Variants in SMARCA2 observed in about 807,000 individuals in gnomAD.
SMARCA2 encodes SWI/SNF-related matrix-associated actin-dependent regulator of chromatin subfamily A member 2.
SMARCA2 carries 61 observed loss-of-function variants against 199.8 expected under a neutral mutation model. That is an observed-to-expected ratio of 0.31 (90% CI 0.25 to 0.38). SMARCA2 has a LOEUF of 0.38. SMARCA2 is among the 10% of genes least tolerant of loss of function. The probability of loss-of-function intolerance (pLI) is 1.00; values close to 1 mark genes in which losing one functional copy is unlikely to be tolerated. For missense variants in SMARCA2, 1,344 were observed against 2,012.2 expected, an observed-to-expected ratio of 0.67 and a Z score of 6.35; for synonymous variants, 935 against 732.0, an observed-to-expected ratio of 1.28 and a Z score of -4.48.
Position 2,170,338 on chromosome 9 carries a change from C to T in SMARCA2, c.4200-81C>T. 1 of 1,583,026 alleles carries T rather than the reference C, an allele frequency of 6.3e-7. No individual in the cohort carries two copies. The highest frequency in any genetic ancestry group is 1.1e-5 in the South Asian group (1 of 87,706). On this transcript the variant is annotated intron_variant, in intron 28 of 33. Coordinates refer to ENST00000349721, the MANE Select transcript of SMARCA2 (RefSeq NM_003070.5). This position sits in a 1 kb window ranked among gnomAD's most constrained non-coding sequence, Gnocchi z 4.7. ...TGAGGAGACTGAGGCTTGGCCAGGT[C>T]ACCCAGCCTAGGAAGAAGGAGCCGG... is the stretch of plus-strand genomic sequence containing the variant.
At chr9:2,163,412 G>A (rs1356704794) in intron 28 of SMARCA2, among the ~76,000 whole-genome samples, 6 of 152,160 alleles carry the variant, frequency 3.9e-5, no homozygotes, top group Admixed American at 1.3e-4. Context: ...AATTTTGACC[G>A]CAAGTCCATG....
chr9:2,095,121 C>T (rs1256257235), intron 19 of SMARCA2, among the ~76,000 whole-genome samples: 4 of 150,788 alleles, frequency 2.7e-5, no homozygotes, highest in Non-Finnish European at 5.9e-5. Flanking sequence ...AGTCTTGCTC[C>T]GTCACCCAGG....
intron 25 of SMARCA2, among the ~76,000 whole-genome samples, 165 bp downstream of exon 25, chr9:2,116,214 T>C (rs1458189104): frequency 1.3e-5 from 2 of 152,220 alleles, no homozygotes; most frequent in African/African-American, 2.4e-5. Context: ...GTGAAAGTTA[T>C]CCAAAATGAG....
In SMARCA2 at chr9:2,039,575, C is replaced by T. The variant is rs1160691232; in HGVS notation, c.465C>T (p.Ala155=). 6.2e-7 allele frequency: 1 copy of T among 1,614,078 alleles called. No homozygotes were observed. The highest frequency in any genetic ancestry group is 1.3e-5 in the African/African-American group (1 of 74,928). Residue 155 remains alanine, a synonymous_variant, in exon 4 of 34, where the codon GCC becomes GCT. Coordinates refer to ENST00000349721, the MANE Select transcript of SMARCA2 (RefSeq NM_003070.5). The surrounding 1 kb of genome is among the most constrained non-coding windows in gnomAD (Gnocchi z 4.8). ...AGATGCCACCAAGCCAGCCGGGGGC[C>T]CTCATCCCAGGTGATCCGCAGGCCA... ...PPQMPPSQPG[A]LIPGDPQAMS...
intron 1 of SMARCA2, among the ~76,000 whole-genome samples, chr9:2,020,933 C>A (rs999495363): frequency 3.9e-5 from 6 of 152,104 alleles, no homozygotes; most frequent in African/African-American, 1.2e-4. Flanking sequence ...TTCTGGACTT[C>A]TGGGTTTGTA....
chr9:2,058,479 G>A lies in SMARCA2; in HGVS notation c.1521+15G>A, dbSNP rs757850985. On this transcript the variant is annotated intron_variant, in intron 8 of 33. Transcript: ENST00000349721. Reference sequence around the variant, plus strand: ...GGCGACTGATGGTAAGGAACTCCCTGCAGGAGCCCAGGAAACTACTCAACC... The same window carrying A: ...GGCGACTGATGGTAAGGAACTCCCTACAGGAGCCCAGGAAACTACTCAACC... 6 of 1,611,490 alleles carry A rather than the reference G, an allele frequency of 3.7e-6. No individual in the cohort carries two copies. In the South Asian group the frequency reaches 6.6e-5, roughly 18 times the overall value.
chr9:2,151,278 A>T (rs539708798), intron 27 of SMARCA2, among the ~76,000 whole-genome samples: 2 of 151,732 alleles, frequency 1.3e-5, no homozygotes, highest in South Asian at 2.1e-4. Flanking sequence ...ATTTAAAAAA[A>T]TAGTTCATCA....
intron 27 of SMARCA2, among the ~76,000 whole-genome samples, chr9:2,130,917 G>C (rs6475522): frequency 1.3e-5 from 2 of 152,026 alleles, no homozygotes; most frequent in African/African-American, 4.8e-5. Context: ...TTCTAGCACC[G>C]TAAGGCAGTC....
intron 12 of SMARCA2, 79 bp downstream of exon 12, chr9:2,073,702 G>A: frequency 9.4e-7 from 1 of 1,067,452 alleles, no homozygotes; most frequent in Non-Finnish European, 1.4e-6. Context: ...GTAAGCCCGG[G>A]CCTTGGGTCC....
intron 28 of SMARCA2, among the ~76,000 whole-genome samples, chr9:2,167,628 G>A (rs1826001063): frequency 6.6e-6 from 1 of 152,340 alleles, no homozygotes; most frequent in Middle Eastern, 3.4e-3. Flanking sequence ...CCCCTAGCTG[G>A]GAATGTGTTC....
At chr9:2,057,192 G>C (rs1820391263) in intron 7 of SMARCA2, among the ~76,000 whole-genome samples, 1 of 152,254 alleles carries the variant, frequency 6.6e-6, no homozygotes, top group African/African-American at 2.4e-5. Context: ...GGAAGCCTGA[G>C]ATCAGGGTAC....
chr9:2,134,031 T>C (rs35519921), intron 27 of SMARCA2, among the ~76,000 whole-genome samples: 4,386 of 152,258 alleles, frequency 0.029, 76 homozygotes, highest in Non-Finnish European at 0.044. Context: ...GAATTAAAGG[T>C]GTGTAACATA....
chr9:2,035,763 A>C (rs1819302079), intron 3 of SMARCA2, among the ~76,000 whole-genome samples: 1 of 152,252 alleles, frequency 6.6e-6, no homozygotes, highest in South Asian at 2.1e-4. Context: ...CATTAAAGGG[A>C]ATCAGAATTA....
chr9:2,037,799 C>A (rs951489554), intron 3 of SMARCA2, among the ~76,000 whole-genome samples: 1 of 152,162 alleles, frequency 6.6e-6, no homozygotes, highest in Admixed American at 6.5e-5. Flanking sequence ...TCTGGGACAC[C>A]TTTGACTTGA....
At chr9:2,162,514 G>T (rs10965055) in intron 28 of SMARCA2, among the ~76,000 whole-genome samples, 1 of 151,954 alleles carries the variant, frequency 6.6e-6, no homozygotes, top group Non-Finnish European at 1.5e-5. Context: ...ATTTTAAACA[G>T]TGAATAATTA....
At chr9:2,113,222 A>G (rs944823341) in intron 24 of SMARCA2, among the ~76,000 whole-genome samples, 12 of 152,174 alleles carry the variant, frequency 7.9e-5, no homozygotes, top group African/African-American at 1.4e-4. Context: ...TGAGGACCCT[A>G]CCTAGAAGCA....
rs1489887185 is a variant in SMARCA2, at chr9:2,145,586, G to C, written c.3982-16100G>C. Among the ~76,000 whole-genome samples, 6 of 152,218 alleles carry C rather than the reference G, an allele frequency of 3.9e-5. No homozygotes were observed. In the South Asian group the frequency reaches 8.3e-4, roughly 21 times the overall value. On this transcript the variant is annotated intron_variant, in intron 27 of 33. Coordinates refer to ENST00000349721, the MANE Select transcript of SMARCA2 (RefSeq NM_003070.5). The stretch of plus-strand genomic sequence containing the variant: ...GAGGAATGGGTGAAGTAGGGAAGAT[G>C]CAGAGAGTTTGATGCTAGAGTTTAT...
intron 1 of SMARCA2, among the ~76,000 whole-genome samples, chr9:2,028,426 C>T (rs555484936): frequency 1.4e-3 from 208 of 152,262 alleles, no homozygotes; most frequent in African/African-American, 4.8e-3. Flanking sequence ...TATTTGAACC[C>T]ATATTTGTCT....
At chr9:2,050,786 T>C (rs924369346) in intron 5 of SMARCA2, among the ~76,000 whole-genome samples, 4 of 152,210 alleles carry the variant, frequency 2.6e-5, no homozygotes, top group Admixed American at 1.3e-4. Context: ...TGTACCAGTG[T>C]CATTTTCTGT....
Sources: allele counts gnomAD v4.1 joint callset (sites outside exome capture counted in the v4.1 genomes callset), GRCh38; gene constraint gnomAD v4.1.1; non-coding constraint Gnocchi (gnomAD v3.1); transcripts MANE v1.5; gene names NCBI Gene and HGNC (gene_info 2026-07-23, HGNC 2026-07-21).